PCDHA4: variants seen among roughly 807,000 people sequenced by gnomAD.
PCDHA4 encodes protocadherin alpha-4.
PCDHA4 carries 49 observed loss-of-function variants against 61.4 expected under a neutral mutation model. The ratio of observed to expected loss-of-function variants is 0.80; its 90% CI spans 0.63 to 1.01. PCDHA4 has a LOEUF of 1.01. PCDHA4 is among the 50% of genes least tolerant of loss of function. The probability of loss-of-function intolerance (pLI) is 0.00; values close to 1 mark genes in which losing one functional copy is unlikely to be tolerated. For missense variants in PCDHA4, 1,254 were observed against 1,235.8 expected (o/e 1.01, Z -0.22); for synonymous variants, 590 against 550.3 (o/e 1.07, Z -1.01).
At chr5:140,922,139 C>A (rs2080663133) in intron 1 of PCDHA4, among the ~76,000 whole-genome samples, 1 of 151,854 alleles carries the variant, frequency 6.6e-6, no homozygotes, top group Non-Finnish European at 1.5e-5. Flanking sequence ...TCTTATCCTC[C>A]ATGAAACTCA....
At chr5:140,998,049 ACAT>A (rs782468760) in intron 3 of PCDHA4, among the ~76,000 whole-genome samples, 4 of 152,194 alleles carry the variant, frequency 2.6e-5, no homozygotes, top group Admixed American at 6.5e-5. Flanking sequence ...TAACTCAGTG[ACAT>A]CATCATCAAC....
rs7702779 is a variant in PCDHA4, at chr5:140,808,438, C to T, written c.1251C>T (p.Ser417=). 9.9e-3 allele frequency: 16,033 copies of T among 1,614,150 alleles called. 1,356 individuals are homozygous for T. In the African/African-American group the frequency reaches 0.19, roughly 19 times the overall value. ...TGGACAGTGCCCTGGACCGCGAGAG[C>T]GTGTCAGCCTATGAGCTGGTGGTGA... ...LVLDSALDRE[S]VSAYELVVTA... The change falls in exon 1 of 4, where the codon AGC becomes AGT. Residue 417 remains serine (S), a synonymous_variant. Transcript: ENST00000530339.
intron 1 of PCDHA4, chr5:140,860,444 T>C (rs1311147382): frequency 6.6e-6 from 1 of 152,156 alleles, no homozygotes; most frequent in South Asian, 2.1e-4. Flanking sequence ...CTTTTTCATA[T>C]TAATTCACGT....
At chr5:140,850,538 G>A (rs2150488632) in intron 1 of PCDHA4, 3 of 1,598,364 alleles carry the variant, frequency 1.9e-6, no homozygotes, top group Non-Finnish European at 1.7e-6. Context: ...CATCGTCGCG[G>A]GCGTCAGTGG....
intron 1 of PCDHA4, among the ~76,000 whole-genome samples, chr5:140,934,465 A>G (rs1313806464): frequency 1.3e-5 from 2 of 152,152 alleles, no homozygotes; most frequent in African/African-American, 4.8e-5. Context: ...ATGTTTTAAC[A>G]TTATTTTGAA....
Position 140,847,575 on chromosome 5 carries a change from A to C in PCDHA4, c.2385+38003A>C, listed in dbSNP as rs187622781. On this transcript the variant is annotated intron_variant, in intron 1 of 3. Coordinates refer to ENST00000530339, the MANE Select transcript of PCDHA4 (RefSeq NM_018907.4). The stretch of plus-strand genomic sequence containing the variant: ...ACAGAAATTGCCCCGAGTACTAAGG[A>C]TGAGCAATAATGAAATTAAAACATA... 1.3e-4 allele frequency: 19 copies of C among 149,686 alleles called. 1 individual carries two copies. In the East Asian group the frequency reaches 3.7e-3, roughly 29 times the overall value. 9.3% of individuals were successfully genotyped at this position (149,686 alleles called of 1,614,324 possible). A position where few individuals can be genotyped will look rare whatever the true frequency, so the allele number is the denominator to read the frequency against.
intron 1 of PCDHA4, among the ~76,000 whole-genome samples, chr5:140,908,289 G>A (rs1031565997): frequency 2.6e-5 from 4 of 152,184 alleles, no homozygotes; most frequent in Non-Finnish European, 4.4e-5. Flanking sequence ...GTTGCAAGCT[G>A]GGGAAGAGAA....
intron 1 of PCDHA4, chr5:140,828,626 G>A (rs2150157577): frequency 1.2e-6 from 2 of 1,614,092 alleles, no homozygotes; most frequent in Admixed American, 3.3e-5. Context: ...CGAATACTTC[G>A]GGCTAGATGT....
chr5:140,999,995 A>G (rs1174530266), intron 3 of PCDHA4, among the ~76,000 whole-genome samples: 1 of 152,068 alleles, frequency 6.6e-6, no homozygotes, highest in Non-Finnish European at 1.5e-5. Flanking sequence ...GGGTAGTGGT[A>G]TTAGATTGGC....
chr5:140,823,995 C>T, intron 1 of PCDHA4: 1 of 1,614,158 alleles, frequency 6.2e-7, no homozygotes, highest in Admixed American at 1.7e-5. Context: ...CTCTGTTGTG[C>T]TCCAGCGCGG....
At chr5:140,848,948 G>A (rs782183548) in intron 1 of PCDHA4, 1 of 1,607,010 alleles carries the variant, frequency 6.2e-7, no homozygotes, top group African/African-American at 1.4e-5. Flanking sequence ...TTGACTCTCG[G>A]TTTCCACTAG....
chr5:140,897,947 T>G (rs1276045551), intron 1 of PCDHA4, among the ~76,000 whole-genome samples: 14 of 152,168 alleles, frequency 9.2e-5, no homozygotes, highest in African/African-American at 3.4e-4. Context: ...CAGTGATGAT[T>G]AGCATTTTTT....
At chr5:140,858,305 C>A in intron 1 of PCDHA4, 1 of 1,597,172 alleles carries the variant, frequency 6.3e-7, no homozygotes. Context: ...GCAGCAGAGG[C>A]GGCAGAGGGT....
chr5:140,834,604 T>G (rs2150222794), intron 1 of PCDHA4: 1 of 1,614,158 alleles, frequency 6.2e-7, no homozygotes, highest in South Asian at 1.1e-5. Context: ...CGTGGGGATC[T>G]TCTGGAGGTA....
intron 3 of PCDHA4, among the ~76,000 whole-genome samples, chr5:140,987,224 A>T (rs28567024): frequency 4.6e-5 from 7 of 152,044 alleles, no homozygotes; most frequent in East Asian, 1.9e-4. Context: ...AAAAAAAAAA[A>T]AAATAATAAA....
intron 1 of PCDHA4, chr5:140,828,778 G>C (rs2150158815): frequency 1.2e-6 from 2 of 1,614,140 alleles, no homozygotes; most frequent in Non-Finnish European, 1.7e-6. Context: ...TTCAGCTGCT[G>C]GTCACAGTGC....
In PCDHA4 at chr5:140,850,049, C is replaced by A. The variant is rs1354549642; in HGVS notation, c.2385+40477C>A. 3 of 1,596,466 alleles carry A rather than the reference C, an allele frequency of 1.9e-6. 1 individual carries two copies. The highest frequency in any genetic ancestry group is 1.3e-5 in the African/African-American group (1 of 74,464). ...TGCACGCGGAGAGCGGCAAGGTGTA[C>A]GCGCTGCAGCCGTTGGACCACGAGG... On this transcript the variant is annotated intron_variant, in intron 1 of 3. Coordinates refer to ENST00000530339, the MANE Select transcript of PCDHA4 (RefSeq NM_018907.4).
chr5:140,980,021 A>C (rs1472439975), intron 2 of PCDHA4, among the ~76,000 whole-genome samples: 2 of 152,248 alleles, frequency 1.3e-5, no homozygotes. Context: ...AAATGAGCAG[A>C]AATCATTACA....
At chr5:140,892,702 A>C (rs1391662001) in intron 1 of PCDHA4, among the ~76,000 whole-genome samples, 1 of 152,240 alleles carries the variant, frequency 6.6e-6, no homozygotes, top group Non-Finnish European at 1.5e-5. Flanking sequence ...AAATCAGGGT[A>C]ATTAGCATAT....
Sources: gnomAD v4.1 joint callset for allele counts (sites outside exome capture counted in the v4.1 genomes callset) on GRCh38, gnomAD v4.1.1 for gene constraint, MANE v1.5 for transcripts, NCBI Gene and HGNC (gene_info 2026-07-23, HGNC 2026-07-21) for gene names.